Variants in DNMT3A observed in about 807,000 individuals in gnomAD.
DNMT3A encodes the protein DNA (cytosine-5)-methyltransferase 3A.
In DNMT3A, 267 loss-of-function variants were observed where a neutral mutation model predicts 117.6. The observed-to-expected ratio is 2.27, with a 90% CI of 2.05 to 2.51. DNMT3A has a LOEUF of 2.51. Ranked by LOEUF, DNMT3A falls within the 30% of genes most tolerant of loss-of-function variation. The pLI is 0.00. For synonymous variants in DNMT3A, 432 were observed against 474.8 expected, an observed-to-expected ratio of 0.91 and a Z score of 1.17; for missense variants, 1,029 against 1,260.2, an observed-to-expected ratio of 0.82 and a Z score of 2.78.
intron 10 of DNMT3A, 83 bp downstream of exon 10, chr2:25,246,537 C>T: frequency 4.6e-6 from 7 of 1,535,062 alleles, no homozygotes; most frequent in Non-Finnish European, 6.1e-6. Context: ...CCTTGGCAGC[C>T]CTCCCTAAGC....
At position 25,246,280 on chromosome 2, in the gene DNMT3A, TG is replaced by T. The variant is rs1167940600; in HGVS notation, c.1308del (p.Tyr436Ter). 6.2e-7 allele frequency: 1 copy of T among 1,612,886 alleles called. No individual in the cohort carries two copies. The highest frequency in any genetic ancestry group is 1.1e-5 in the South Asian group (1 of 90,936). On this transcript the variant is annotated frameshift_variant, in exon 11 of 23. Transcript: ENST00000321117. LOFTEE classifies it high-confidence loss of function. Reference sequence around the variant, plus strand: ...GCCTCAGGTTCCACCCACATGTCCGTGTACACTTCTTTGTAGGGATTCTTCT... The same window carrying T: ...GCCTCAGGTTCCACCCACATGTCCGTTACACTTCTTTGTAGGGATTCTTCT... Reference protein sequence around the residue: ...EEEKNPYKEVYTDMWVEPEAA... With the variant: ...EEEKNPYKEVXTDMWVEPEAA...
intron 9 of DNMT3A, 65 bp downstream of exon 9, chr2:25,246,986 A>C: frequency 6.4e-7 from 1 of 1,566,506 alleles, no homozygotes; most frequent in Non-Finnish European, 8.7e-7. Context: ...CCCGACCTGC[A>C]CTCCAACTTC....
At chr2:25,320,176 A>G (rs1229811358) in intron 1 of DNMT3A, among the ~76,000 whole-genome samples, 1 of 152,262 alleles carries the variant, frequency 6.6e-6, no homozygotes, top group Non-Finnish European at 1.5e-5. Flanking sequence ...CAGAGATTCC[A>G]ACCGGAAAGT....
chr2:25,329,557 G>A (rs1349709440), intron 1 of DNMT3A, among the ~76,000 whole-genome samples: 1 of 151,884 alleles, frequency 6.6e-6, no homozygotes, highest in Non-Finnish European at 1.5e-5. Context: ...CCCCCTCCCA[G>A]CTGATGCCCC....
Position 25,339,819 on chromosome 2 carries a change from A to G in DNMT3A, c.-178+2007T>C, listed in dbSNP as rs561897793. On this transcript the variant is annotated intron_variant, in intron 1 of 22. Coordinates refer to ENST00000321117, the MANE Select transcript of DNMT3A (RefSeq NM_022552.5). This position sits in a 1 kb window ranked among gnomAD's most constrained non-coding sequence, Gnocchi z 4.9. ...CCCCCAAATCCCACAGGCCAGTCCTAACACCCAGGCAATAGCAAGGCGAAT... is the reference window on the plus strand; with the variant it reads ...CCCCCAAATCCCACAGGCCAGTCCTGACACCCAGGCAATAGCAAGGCGAAT... Among the ~76,000 whole-genome samples, 1 of 152,326 alleles carries G rather than the reference A, an allele frequency of 6.6e-6. No individual in the cohort carries two copies. The highest frequency in any genetic ancestry group is 1.9e-4 in the East Asian group (1 of 5,186).
chr2:25,290,320 A>ATTTT (rs1249490029), intron 3 of DNMT3A, among the ~76,000 whole-genome samples: 1 of 126,542 alleles, frequency 7.9e-6, no homozygotes, highest in South Asian at 2.6e-4. Context: ...TATGGAAGTG[A>ATTTT]TTTTTTTTTT....
Position 25,281,548 on chromosome 2 carries a change from TC to T in DNMT3A, c.448+892del. On this transcript the variant is annotated intron_variant, in intron 4 of 22. Coordinates refer to ENST00000321117, the MANE Select transcript of DNMT3A (RefSeq NM_022552.5). The surrounding 1 kb of genome is among the most constrained non-coding windows in gnomAD (Gnocchi z 4.8). ...AAGTTACGCCAATTAATCAATTTAC[TC>T]ATTTCATCATACACGCTTGGAAGGA... 1 of 1,061,982 alleles carries T rather than the reference TC, an allele frequency of 9.4e-7. No individual in the cohort carries two copies. Among genetic ancestry groups the T allele is most frequent in the Non-Finnish European group, 1.1e-6 (1 of 877,078 alleles). The allele number at this position is 1,061,982 out of a possible 1,614,324, so 65.8% of individuals were successfully genotyped here.
chr2:25,257,112 T>C lies in DNMT3A; in HGVS notation c.640-8860A>G, dbSNP rs1270937683. Among the ~76,000 whole-genome samples the C allele has an allele frequency of 1.3e-5, 2 of 151,918 alleles. No individual in the cohort carries two copies. Among genetic ancestry groups the C allele is most frequent in the East Asian group, 3.9e-4 (2 of 5,182 alleles). ...TATTCCCTTGCAATCCATATGGAGG[T>C]TGCAAGCAAATGACCAGGACTGGGC... is the stretch of plus-strand genomic sequence containing the variant. On this transcript the variant is annotated intron_variant, in intron 6 of 22. Coordinates refer to ENST00000321117, the MANE Select transcript of DNMT3A (RefSeq NM_022552.5). This position sits in a 1 kb window ranked among gnomAD's most constrained non-coding sequence, Gnocchi z 4.8.
intron 6 of DNMT3A, among the ~76,000 whole-genome samples, chr2:25,250,301 A>G (rs577086502): frequency 1.3e-5 from 2 of 152,304 alleles, no homozygotes; most frequent in East Asian, 3.9e-4. Flanking sequence ...CCACAGACCA[A>G]TCTGTTTCTT....
In DNMT3A at chr2:25,248,093, A is replaced by AC; in HGVS notation, c.798dup (p.Ser267ValfsTer14). 1 of 1,612,978 alleles carries AC rather than the reference A, an allele frequency of 6.2e-7. No individual in the cohort carries two copies. The highest frequency in any genetic ancestry group is 8.5e-7 in the Non-Finnish European group (1 of 1,179,940). ...GTGGCATTCTTGTCCCCAGCATCGG[A>AC]CCCCACGGGCTCAGGCGTGGTAGCC... On this transcript the variant is annotated frameshift_variant, in exon 7 of 23. Transcript: ENST00000321117. LOFTEE classifies it high-confidence loss of function.
chr2:25,246,881 G>T (rs1674860069), intron 9 of DNMT3A, 105 bp from the exon 10 acceptor site: 2 of 1,540,630 alleles, frequency 1.3e-6, no homozygotes, highest in Non-Finnish European at 8.8e-7. Flanking sequence ...CAGGCAAGAT[G>T]GGGAGGAACC....
In DNMT3A at chr2:25,247,570, C is replaced by T; in HGVS notation, c.1014+21G>A. The T allele has an allele frequency of 6.2e-7, 1 of 1,610,494 alleles. No homozygotes were observed. Among genetic ancestry groups the T allele is most frequent in the Non-Finnish European group, 8.5e-7 (1 of 1,177,552 alleles). ...AAGAACCTTCCCCCACCCCAGGCTA[C>T]TGCCAAACCCCACAACTTACCACTG... On this transcript the variant is annotated intron_variant, in intron 8 of 22. Transcript: ENST00000321117. The surrounding 1 kb of genome is among the most constrained non-coding windows in gnomAD (Gnocchi z 5.6).
At chr2:25,316,298 G>A (rs2034378383) in intron 1 of DNMT3A, among the ~76,000 whole-genome samples, 1 of 152,212 alleles carries the variant, frequency 6.6e-6, no homozygotes, top group African/African-American at 2.4e-5. Flanking sequence ...ACTTCACAGG[G>A]CATTGGCCCC....
intron 6 of DNMT3A, among the ~76,000 whole-genome samples, chr2:25,270,770 G>C (rs926330004): frequency 6.6e-6 from 1 of 152,240 alleles, no homozygotes; most frequent in Non-Finnish European, 1.5e-5. Flanking sequence ...AAGGCCCAGG[G>C]AGGCAGTTTC....
At chr2:25,330,240 C>T (rs1260035079) in intron 1 of DNMT3A, among the ~76,000 whole-genome samples, 1 of 152,226 alleles carries the variant, frequency 6.6e-6, no homozygotes, top group Non-Finnish European at 1.5e-5. Flanking sequence ...CAACGCCACA[C>T]CCTGAGTTCA....
intron 19 of DNMT3A, among the ~76,000 whole-genome samples, chr2:25,239,761 G>A (rs1673766201): frequency 1.3e-5 from 2 of 152,198 alleles, no homozygotes; most frequent in Non-Finnish European, 2.9e-5. Context: ...AGGAGCACAG[G>A]TGGGCTCAAG....
In DNMT3A at chr2:25,252,253, G is replaced by A; in HGVS notation, c.640-4001C>T. ...CTCAGGTGTGAGCCGCGGCCCTGAA[G>A]CTCTGGAAGTAGCTGCCCGTCTTGG... On this transcript the variant is annotated intron_variant, in intron 6 of 22. Transcript: ENST00000321117. This position sits in a 1 kb window ranked among gnomAD's most constrained non-coding sequence, Gnocchi z 5.5. 7 of 1,483,968 alleles carry A rather than the reference G, an allele frequency of 4.7e-6. No individual in the cohort carries two copies. The highest frequency in any genetic ancestry group is 1.3e-5 in the South Asian group (1 of 78,370). 91.9% of individuals were successfully genotyped at this position (1,483,968 alleles called of 1,614,324 possible). A position where few individuals can be genotyped will look rare whatever the true frequency, so the allele number is the denominator to read the frequency against.
At chr2:25,301,132 G>A (rs1373926850) in intron 2 of DNMT3A, among the ~76,000 whole-genome samples, 2 of 151,782 alleles carry the variant, frequency 1.3e-5, no homozygotes, top group African/African-American at 4.8e-5. Flanking sequence ...AGCCGGGCAT[G>A]GTGGCACGCG....
Position 25,247,296 on chromosome 2 carries a change from T to C in DNMT3A, c.1015-138A>G. ...GGGACCAGATACAGTGATAAATAAT[T>C]ACCCGATGCAAAGAGGAGTCCAGAC... On this transcript the variant is annotated intron_variant, in intron 8 of 22. Coordinates refer to ENST00000321117, the MANE Select transcript of DNMT3A (RefSeq NM_022552.5). This position sits in a 1 kb window ranked among gnomAD's most constrained non-coding sequence, Gnocchi z 5.6. 1 of 883,822 alleles carries C rather than the reference T, an allele frequency of 1.1e-6. No individual in the cohort carries two copies. The highest frequency in any genetic ancestry group is 1.8e-6 in the Non-Finnish European group (1 of 570,962). 54.7% of individuals were successfully genotyped at this position (883,822 alleles called of 1,614,324 possible).
Sources: allele counts gnomAD v4.1 joint callset (sites outside exome capture counted in the v4.1 genomes callset), GRCh38; gene constraint gnomAD v4.1.1; non-coding constraint Gnocchi (gnomAD v3.1); transcripts MANE v1.5; gene names NCBI Gene and HGNC (gene_info 2026-07-23, HGNC 2026-07-21).